The following NKAIN2 variants were observed in gnomAD, a reference collection of about 807,000 sequenced individuals.
NKAIN2 encodes the protein sodium/potassium-transporting ATPase subunit beta-1-interacting protein 2.
NKAIN2 carries 14 observed loss-of-function variants against 32.6 expected under a neutral mutation model. The observed-to-expected ratio is 0.43, with a 90% CI of 0.28 to 0.67. NKAIN2 has a LOEUF of 0.67. Ranked by LOEUF, NKAIN2 falls within the 30% of genes least tolerant of loss-of-function variation. The pLI, the probability that NKAIN2 is intolerant of heterozygous loss-of-function variation, is 0.17. For synonymous variants in NKAIN2, 80 were observed against 87.2 expected, an observed-to-expected ratio of 0.92 and a Z score of 0.46; for missense variants, 198 against 258.3, an observed-to-expected ratio of 0.77 and a Z score of 1.60.
chr6:123,818,504 G>A (rs1156323998), intron 1 of NKAIN2, among the ~76,000 whole-genome samples: 1 of 151,940 alleles, frequency 6.6e-6, no homozygotes, highest in Non-Finnish European at 1.5e-5. Flanking sequence ...TTTAATATTT[G>A]ATATCCTAAT....
chr6:124,358,700 A>G (rs1248346197), intron 3 of NKAIN2, among the ~76,000 whole-genome samples: 1 of 151,820 alleles, frequency 6.6e-6, no homozygotes, highest in Non-Finnish European at 1.5e-5. Flanking sequence ...AGATTGCACA[A>G]ATTTTCTCCC....
intron 1 of NKAIN2, among the ~76,000 whole-genome samples, chr6:123,879,461 A>T (rs1773344898): frequency 1.3e-5 from 2 of 152,202 alleles, no homozygotes; most frequent in African/African-American, 2.4e-5. Flanking sequence ...TTTTAAGAAC[A>T]TATCAATTCT....
At chr6:124,415,887 T>A (rs2114516490) in intron 3 of NKAIN2, among the ~76,000 whole-genome samples, 1 of 147,940 alleles carries the variant, frequency 6.8e-6, no homozygotes, top group African/African-American at 2.5e-5. Context: ...GCTTTTTTTT[T>A]TTTTTTTTGC....
intron 2 of NKAIN2, among the ~76,000 whole-genome samples, chr6:124,316,061 T>A (rs1404521003): frequency 6.6e-6 from 1 of 152,064 alleles, no homozygotes; most frequent in African/African-American, 2.4e-5. Context: ...CATCTAGTGT[T>A]CAGTAGCACA....
chr6:124,771,428 A>C (rs899693733), intron 4 of NKAIN2, among the ~76,000 whole-genome samples: 2 of 152,174 alleles, frequency 1.3e-5, no homozygotes, highest in African/African-American at 4.8e-5. Flanking sequence ...AAAAAATTGA[A>C]GCTACCTGAA....
chr6:124,402,049 G>A (rs939950511), intron 3 of NKAIN2, among the ~76,000 whole-genome samples: 9 of 152,054 alleles, frequency 5.9e-5, no homozygotes, highest in African/African-American at 1.9e-4. Context: ...GGGGACATTT[G>A]TTAATGTCTG....
chr6:124,549,228 T>C (rs1780202857), intron 3 of NKAIN2, among the ~76,000 whole-genome samples: 1 of 151,852 alleles, frequency 6.6e-6, no homozygotes, highest in African/African-American at 2.4e-5. Flanking sequence ...ATTAGCCAGG[T>C]GTGGTGGCCT....
At chr6:124,346,656 C>T (rs372472578) in intron 2 of NKAIN2, among the ~76,000 whole-genome samples, 2,566 of 151,444 alleles carry the variant, frequency 0.017, 76 homozygotes, top group East Asian at 0.11. Flanking sequence ...AGGATTGCAA[C>T]CCCTGCCTTT....
intron 3 of NKAIN2, among the ~76,000 whole-genome samples, chr6:124,608,514 A>C (rs1562281945): frequency 6.6e-6 from 1 of 152,156 alleles, no homozygotes; most frequent in African/African-American, 2.4e-5. Context: ...GAGGTGGGAC[A>C]CTGGTGAAGT....
At chr6:124,510,977 T>C (rs1182181137) in intron 3 of NKAIN2, among the ~76,000 whole-genome samples, 2 of 152,190 alleles carry the variant, frequency 1.3e-5, no homozygotes, top group East Asian at 1.9e-4. Flanking sequence ...CATCTCAATA[T>C]ACACATAGTG....
intron 3 of NKAIN2, among the ~76,000 whole-genome samples, chr6:124,644,050 C>A (rs746889721): frequency 4.3e-4 from 66 of 152,068 alleles, no homozygotes; most frequent in Non-Finnish European, 1.3e-4. Flanking sequence ...ATTTGTTGAG[C>A]AATTAGGCTT....
intron 3 of NKAIN2, among the ~76,000 whole-genome samples, chr6:124,366,989 A>G (rs748485177): frequency 6.6e-6 from 1 of 152,036 alleles, no homozygotes; most frequent in Non-Finnish European, 1.5e-5. Context: ...ATAAATTTAT[A>G]AATAATTATG....
intron 3 of NKAIN2, among the ~76,000 whole-genome samples, chr6:124,570,044 C>T (rs1010695001): frequency 6.6e-6 from 1 of 152,136 alleles, no homozygotes; most frequent in Non-Finnish European, 1.5e-5. Flanking sequence ...GAAGGTGACT[C>T]TTGTTATATT....
intron 3 of NKAIN2, among the ~76,000 whole-genome samples, chr6:124,425,726 GTAAAATGCAAAT>G: frequency 6.6e-6 from 1 of 152,068 alleles, no homozygotes; most frequent in Non-Finnish European, 1.5e-5. Flanking sequence ...TTCATCACCA[GTAAAATGCAAAT>G]TAAAAGCACA....
intron 1 of NKAIN2, among the ~76,000 whole-genome samples, chr6:123,825,791 A>G (rs1774121730): frequency 6.6e-6 from 1 of 152,124 alleles, no homozygotes; most frequent in Admixed American, 6.6e-5. Flanking sequence ...CTTTAAAAAC[A>G]ATGATAAAAA....
chr6:123,939,803 A>G (rs1286024627), intron 1 of NKAIN2, among the ~76,000 whole-genome samples: 5 of 151,772 alleles, frequency 3.3e-5, no homozygotes, highest in Non-Finnish European at 7.4e-5. Flanking sequence ...TTCCAGCCAC[A>G]CTTTTTTTTT....
chr6:124,732,554 A>G (rs1776734987), intron 4 of NKAIN2, among the ~76,000 whole-genome samples: 1 of 152,078 alleles, frequency 6.6e-6, no homozygotes, highest in Non-Finnish European at 1.5e-5. Flanking sequence ...CATTTTATAG[A>G]GAGTGAGATT....
At chr6:124,342,526 A>G (rs9388317) in intron 2 of NKAIN2, among the ~76,000 whole-genome samples, 131,097 of 151,566 alleles carry the variant, frequency 0.86, 57,028 homozygotes, top group African/African-American at 0.96. Context: ...TTTTATTTTC[A>G]ATACAGGGTC....
intron 3 of NKAIN2, among the ~76,000 whole-genome samples, chr6:124,385,967 A>T (rs968000400): frequency 2.0e-5 from 3 of 152,186 alleles, no homozygotes; most frequent in Non-Finnish European, 4.4e-5. Context: ...GTAAGCAATG[A>T]TATCAGCCAT....
Sources: allele counts gnomAD v4.1 joint callset (sites outside exome capture counted in the v4.1 genomes callset), GRCh38; gene constraint gnomAD v4.1.1; transcripts MANE v1.5; gene names NCBI Gene and HGNC (gene_info 2026-07-23, HGNC 2026-07-21).